The following ADAMTS3 variants were observed in gnomAD, a reference collection of about 807,000 sequenced individuals.
The protein encoded by ADAMTS3 is ADAM metallopeptidase with thrombospondin type 1 motif 3, also known as A disintegrin and metalloproteinase with thrombospondin motifs 3.
In ADAMTS3, 73 loss-of-function variants were observed where a neutral mutation model predicts 129.0. That is an observed-to-expected ratio of 0.57 (90% CI 0.47 to 0.69). ADAMTS3 has a LOEUF of 0.69. Among genes scored for constraint, ADAMTS3 ranks in the 30% least tolerant of loss-of-function variants. The probability of loss-of-function intolerance (pLI) is 0.00; values close to 1 mark genes in which losing one functional copy is unlikely to be tolerated. For missense variants in ADAMTS3, 1,457 were observed against 1,514.5 expected (o/e 0.96, Z 0.63); for synonymous variants, 477 against 510.8 (o/e 0.93, Z 0.89).
intron 4 of ADAMTS3, among the ~76,000 whole-genome samples, chr4:72,402,720 G>A (rs1338086384): frequency 6.6e-6 from 1 of 152,094 alleles, no homozygotes; most frequent in African/African-American, 2.4e-5. Flanking sequence ...TAGCTGAAGA[G>A]ATCAGATTCA....
chr4:72,399,539 G>A (rs191703133), intron 4 of ADAMTS3, among the ~76,000 whole-genome samples: 27 of 152,140 alleles, frequency 1.8e-4, no homozygotes, highest in Admixed American at 1.1e-3. Context: ...CCTACCCTGG[G>A]CTAGGTACTG....
intron 15 of ADAMTS3, among the ~76,000 whole-genome samples, chr4:72,308,882 TTAAAG>T (rs922294893): frequency 2.0e-5 from 3 of 152,036 alleles, no homozygotes. Flanking sequence ...TCAATTTTGT[TTAAAG>T]TAAATTTTTA....
At chr4:72,391,226 AT>A (rs1204893449) in intron 4 of ADAMTS3, among the ~76,000 whole-genome samples, 1 of 152,212 alleles carries the variant, frequency 6.6e-6, no homozygotes, top group Non-Finnish European at 1.5e-5. Context: ...ATTTGTGTAT[AT>A]TGTATATTAC....
chr4:72,419,279 T>G (rs549174766), intron 3 of ADAMTS3, among the ~76,000 whole-genome samples: 1 of 152,324 alleles, frequency 6.6e-6, no homozygotes, highest in East Asian at 1.9e-4. Flanking sequence ...GGCACATATA[T>G]CTAGCTTAGC....
In ADAMTS3 at chr4:72,309,503, T is replaced by G. The variant is rs770832575; in HGVS notation, c.2073A>C (p.Lys691Asn). 3.1e-6 allele frequency: 5 copies of G among 1,611,770 alleles called. No homozygotes were observed. Among genetic ancestry groups the G allele is most frequent in the Non-Finnish European group, 4.2e-6 (5 of 1,178,324 alleles). ...RGECVKVGCD[K>N]EIGSNKVEDK... ...CCTCAACCTTATTAGAACCAATTTC[T>G]TTATCACAGCCCACTTTCTGGAGAG... Residue 691 changes from lysine (K) to asparagine (N), a missense_variant, in exon 15 of 22, where the codon AAA (lysine) becomes AAC (asparagine). By Grantham distance (94) the Lys-to-Asn change is moderately conservative. Coordinates refer to ENST00000286657, the MANE Select transcript of ADAMTS3 (RefSeq NM_014243.3).
At chr4:72,568,629 G>T in intron 1 of ADAMTS3, 65 bp downstream of exon 1, 1 of 1,256,564 alleles carries the variant, frequency 8.0e-7, no homozygotes, top group Non-Finnish European at 1.2e-6. Context: ...GGGTAGAGAG[G>T]GGAGGAACTT....
chr4:72,385,153 C>G (rs1721413102), intron 4 of ADAMTS3, among the ~76,000 whole-genome samples: 1 of 151,304 alleles, frequency 6.6e-6, no homozygotes, highest in Non-Finnish European at 1.5e-5. Flanking sequence ...GCACTCCAGC[C>G]TGGGTGACAG....
intron 2 of ADAMTS3, among the ~76,000 whole-genome samples, chr4:72,560,604 A>G (rs1721879086): frequency 6.6e-6 from 1 of 152,142 alleles, no homozygotes; most frequent in Non-Finnish European, 1.5e-5. Context: ...CAAGCACCAC[A>G]TGTTCTCACT....
At chr4:72,503,874 G>T (rs983283976) in intron 3 of ADAMTS3, among the ~76,000 whole-genome samples, 1 of 152,052 alleles carries the variant, frequency 6.6e-6, no homozygotes. Context: ...CTTTTTTACT[G>T]TTGTTGGTTT....
intron 3 of ADAMTS3, among the ~76,000 whole-genome samples, chr4:72,505,345 T>C (rs1003415573): frequency 7.2e-5 from 11 of 152,212 alleles, no homozygotes; most frequent in African/African-American, 2.7e-4. Context: ...TTTGACCCTA[T>C]AGCACTATGC....
At chr4:72,387,420 T>C (rs983795733) in intron 4 of ADAMTS3, among the ~76,000 whole-genome samples, 2 of 152,234 alleles carry the variant, frequency 1.3e-5, no homozygotes, top group African/African-American at 4.8e-5. Context: ...CTCTTACCTT[T>C]ATCTTAAATA....
intron 3 of ADAMTS3, among the ~76,000 whole-genome samples, chr4:72,526,614 T>C (rs1377332218): frequency 1.8e-5 from 2 of 113,518 alleles, no homozygotes; most frequent in East Asian, 2.8e-4. Flanking sequence ...GTAGAGTCCA[T>C]GTAGGTTTTT....
rs5859311 is a variant in ADAMTS3 at position 72,285,769 on chromosome 4, C to CAAA, written c.3050-2068_3050-2066dup. 1.8e-3 allele frequency among the ~76,000 whole-genome samples: 169 copies of CAAA among 93,674 alleles called. 1 individual carries two copies. The highest frequency in any genetic ancestry group is 6.2e-3 in the African/African-American group (160 of 25,602). The allele number at this position is 93,674 out of a possible 152,430, so 61.5% of individuals were successfully genotyped here. On this transcript the variant is annotated intron_variant, in intron 21 of 21. Transcript: ENST00000286657. Reference sequence around the variant, plus strand: ...CTGATAAATGAGAAGAGCTTACAGGCAAAAAAAAAAAAAAAAAATGGTACA... The same window carrying CAAA: ...CTGATAAATGAGAAGAGCTTACAGGCAAAAAAAAAAAAAAAAAAAAATGGTACA...
chr4:72,339,376 A>T lies in ADAMTS3; in HGVS notation c.861+118T>A, dbSNP rs1234301265. On this transcript the variant is annotated intron_variant, in intron 5 of 21. Coordinates refer to ENST00000286657, the MANE Select transcript of ADAMTS3 (RefSeq NM_014243.3). Reference sequence around the variant, plus strand: ...AGATCAATAATTTAAATTTAATGCCATCATGCACATATTTTGGCACAGTCA... The same window carrying T: ...AGATCAATAATTTAAATTTAATGCCTTCATGCACATATTTTGGCACAGTCA... 7 of 843,412 alleles carry T rather than the reference A, an allele frequency of 8.3e-6. No individual in the cohort carries two copies. In the African/African-American group the frequency reaches 1.0e-4, roughly 12 times the overall value. The allele number at this position is 843,412 out of a possible 1,614,324, so 52.2% of individuals were successfully genotyped here.
chr4:72,350,602 C>T (rs1294528378), intron 4 of ADAMTS3, among the ~76,000 whole-genome samples: 3 of 151,938 alleles, frequency 2.0e-5, no homozygotes, highest in African/African-American at 7.2e-5. Flanking sequence ...CAAGTTTGTT[C>T]CTTTCGGGTC....
At chr4:72,555,069 TC>T (rs1721729524) in intron 2 of ADAMTS3, among the ~76,000 whole-genome samples, 1 of 151,760 alleles carries the variant, frequency 6.6e-6, no homozygotes, top group African/African-American at 2.4e-5. Flanking sequence ...CCTCAGTAGC[TC>T]ACCATCACTT....
intron 5 of ADAMTS3, among the ~76,000 whole-genome samples, chr4:72,335,843 T>C (rs1020890434): frequency 6.6e-6 from 1 of 152,192 alleles, no homozygotes; most frequent in African/African-American, 2.4e-5. Flanking sequence ...GAGTCCAAAA[T>C]TTCTGACTTC....
intron 11 of ADAMTS3, among the ~76,000 whole-genome samples, chr4:72,314,071 T>C (rs999430984): frequency 2.0e-5 from 3 of 152,268 alleles, no homozygotes; most frequent in East Asian, 3.9e-4. Context: ...TTTTAAATGA[T>C]ACATTCACCA....
At position 72,530,034 on chromosome 4, in the gene ADAMTS3, A is replaced by G. The variant is rs867128006; in HGVS notation, c.504+18444T>C. ...TAATATATTATATTTATATATAAAT[A>G]TAATATATTATATTTATATATAATA... On this transcript the variant is annotated intron_variant, in intron 3 of 21. Transcript: ENST00000286657. Among the ~76,000 whole-genome samples, 120 of 12,288 alleles carry G rather than the reference A, an allele frequency of 9.8e-3. 40 individuals are homozygous for G. The highest frequency in any genetic ancestry group is 0.054 in the South Asian group (8 of 148). 8.1% of individuals were successfully genotyped at this position (12,288 alleles called of 152,430 possible).
Sources: gnomAD v4.1 joint callset for allele counts (sites outside exome capture counted in the v4.1 genomes callset) on GRCh38, gnomAD v4.1.1 for gene constraint, MANE v1.5 for transcripts, NCBI Gene and HGNC (gene_info 2026-07-23, HGNC 2026-07-21) for gene names.